CDK5RAP2: variants seen among roughly 807,000 people sequenced by gnomAD.
The protein encoded by CDK5RAP2 is CDK5 regulatory subunit-associated protein 2.
In CDK5RAP2, 147 loss-of-function variants were observed where a neutral mutation model predicts 232.9. The observed-to-expected ratio is 0.63, with a 90% CI of 0.55 to 0.72. The LOEUF (loss-of-function observed/expected upper bound fraction) is 0.72, where lower values mean the gene tolerates loss of function less well. CDK5RAP2 is among the 30% of genes least tolerant of loss of function. The probability of loss-of-function intolerance (pLI) is 0.00; values close to 1 mark genes in which losing one functional copy is unlikely to be tolerated. For missense variants in CDK5RAP2, 2,195 were observed against 2,231.5 expected (o/e 0.98, Z 0.33); for synonymous variants, 833 against 833.7 (o/e 1.00, Z 0.01).
intron 17 of CDK5RAP2, among the ~76,000 whole-genome samples, chr9:120,468,250 C>T (rs2037496505): frequency 6.6e-6 from 1 of 152,200 alleles, no homozygotes; most frequent in Non-Finnish European, 1.5e-5. Flanking sequence ...ACAGTCTAAG[C>T]CCCAGTTTCC....
chr9:120,544,757 A>AC (rs1322875818), intron 5 of CDK5RAP2, among the ~76,000 whole-genome samples: 1 of 152,174 alleles, frequency 6.6e-6, no homozygotes, highest in Non-Finnish European at 1.5e-5. Flanking sequence ...AAAACTTAGC[A>AC]CACTTTGGTG....
Position 120,535,784 on chromosome 9 carries a change from T to C in CDK5RAP2, c.662+588A>G, listed in dbSNP as rs557655011. 5.2e-5 allele frequency among the ~76,000 whole-genome samples: 8 copies of C among 152,388 alleles called. No individual in the cohort carries two copies. In the East Asian group the frequency reaches 1.5e-3, roughly 29 times the overall value. On this transcript the variant is annotated intron_variant, in intron 7 of 37. Coordinates refer to ENST00000349780, the MANE Select transcript of CDK5RAP2 (RefSeq NM_018249.6). The stretch of plus-strand genomic sequence containing the variant: ...AATAAACTAGAAGGCACCCATTTTA[T>C]CGTGGATCATCAAAGAGCTCTGTAT...
intron 23 of CDK5RAP2, among the ~76,000 whole-genome samples, chr9:120,443,367 G>A (rs944387554): frequency 1.3e-5 from 2 of 152,204 alleles, no homozygotes; most frequent in Non-Finnish European, 2.9e-5. Flanking sequence ...CCCACTGCCT[G>A]GTAGAGAAGC....
At chr9:120,524,089 C>A (rs751683211) in intron 11 of CDK5RAP2, among the ~76,000 whole-genome samples, 11 of 151,994 alleles carry the variant, frequency 7.2e-5, no homozygotes, top group South Asian at 2.1e-4. Context: ...GTTTTGGGAA[C>A]CTGTGCAAGC....
At chr9:120,422,633 G>T in intron 26 of CDK5RAP2, 60 bp downstream of exon 26, 1 of 1,260,846 alleles carries the variant, frequency 7.9e-7, no homozygotes, top group African/African-American at 1.5e-5. Context: ...TTAAAAGCTG[G>T]CAGGTAAATC....
rs1285490933 is a variant in CDK5RAP2 at position 120,439,654 on chromosome 9, C to A, written c.3467G>T (p.Gly1156Val). Reference sequence around the variant, plus strand: ...AGAACCATTCTTGGGCTTGCTCAAGCCATCCTGGGCCCCTTCTGTCCCACA... The same window carrying A: ...AGAACCATTCTTGGGCTTGCTCAAGACATCCTGGGCCCCTTCTGTCCCACA... ...VLCGTEGAQD[G>V]LSKPKNGSDG... Residue 1156 changes from glycine to valine, a missense_variant, in exon 24 of 38, where the codon GGC (glycine) becomes GTC (valine). Physicochemically the swap from Gly to Val is moderately radical, Grantham distance 109. Transcript: ENST00000349780. 6.2e-7 allele frequency: 1 copy of A among 1,614,102 alleles called. No homozygotes were observed. The highest frequency in any genetic ancestry group is 8.5e-7 in the Non-Finnish European group (1 of 1,180,056).
At position 120,402,853 on chromosome 9, in the gene CDK5RAP2, G is replaced by C. The variant is rs1423103373; in HGVS notation, c.5260C>G (p.Gln1754Glu). The change falls in exon 34 of 38, where the codon CAA (glutamine) becomes GAA (glutamate). Residue 1754 changes from glutamine to glutamate, a missense_variant. Gln to Glu is a conservative substitution (Grantham distance 29). Coordinates refer to ENST00000349780, the MANE Select transcript of CDK5RAP2 (RefSeq NM_018249.6). ...GQRLLAEMDI[Q>E]TQEAPSSTSQ... is the part of the protein sequence containing the mutation. ...GTGGAGCTGGGAGCCTCTTGGGTTT[G>C]AATGTCCATTTCAGCAAGGAGCCTC... 2.5e-6 allele frequency: 4 copies of C among 1,614,018 alleles called. No individual in the cohort carries two copies. The highest frequency in any genetic ancestry group is 1.6e-4 in the Middle Eastern group (1 of 6,074).
chr9:120,543,651 G>A (rs576197469), intron 5 of CDK5RAP2, among the ~76,000 whole-genome samples: 1 of 152,062 alleles, frequency 6.6e-6, no homozygotes, highest in Non-Finnish European at 1.5e-5. Context: ...ATGAGGCCAG[G>A]GGTTCGAGAC....
chr9:120,425,571 C>A (rs184601554), intron 25 of CDK5RAP2, among the ~76,000 whole-genome samples: 65 of 152,342 alleles, frequency 4.3e-4, no homozygotes, highest in Non-Finnish European at 8.5e-4. Flanking sequence ...TTATGCCAGA[C>A]AAACTTACAA....
rs974768717 is a variant in CDK5RAP2, at chr9:120,394,380, G to A, written c.5578+132C>T. 179 of 1,422,658 alleles carry A rather than the reference G, an allele frequency of 1.3e-4. 2 individuals are homozygous for A. In the East Asian group the frequency reaches 4.0e-3, roughly 32 times the overall value. 88.1% of individuals were successfully genotyped at this position (1,422,658 alleles called of 1,614,324 possible). On this transcript the variant is annotated intron_variant, in intron 36 of 37. Coordinates refer to ENST00000349780, the MANE Select transcript of CDK5RAP2 (RefSeq NM_018249.6). The stretch of plus-strand genomic sequence containing the variant: ...ATGTGAGTCAGAAAGGATGGAGTAT[G>A]AAAAGAAGCCCACAGATAGGAGGCA...
At chr9:120,424,741 C>A (rs543397947) in intron 25 of CDK5RAP2, among the ~76,000 whole-genome samples, 1 of 150,792 alleles carries the variant, frequency 6.6e-6, no homozygotes, top group Non-Finnish European at 1.5e-5. Context: ...GCTCTGTTGC[C>A]CAGGCTGGAG....
chr9:120,556,477 G>A (rs2042233510), intron 3 of CDK5RAP2, among the ~76,000 whole-genome samples: 1 of 150,370 alleles, frequency 6.7e-6, no homozygotes, highest in South Asian at 2.1e-4. Context: ...CACCCAGGCT[G>A]GAGTGCAGTG....
At chr9:120,392,707 GTGCTCTTT>G in intron 36 of CDK5RAP2, among the ~76,000 whole-genome samples, 1 of 152,294 alleles carries the variant, frequency 6.6e-6, no homozygotes, top group Non-Finnish European at 1.5e-5. Context: ...GTTCCCCTCA[GTGCTCTTT>G]TTCTCTACGA....
chr9:120,536,308 A>C, intron 7 of CDK5RAP2, 64 bp downstream of exon 7: 11 of 1,565,592 alleles, frequency 7.0e-6, no homozygotes, highest in Non-Finnish European at 9.7e-6. Context: ...ATAAAAGGAA[A>C]CAATTCTTTC....
intron 2 of CDK5RAP2, among the ~76,000 whole-genome samples, chr9:120,570,882 A>G (rs915213638): frequency 2.7e-5 from 4 of 150,388 alleles, no homozygotes; most frequent in African/African-American, 9.8e-5. Context: ...AAAGTTGCCA[A>G]TGAGTGCAGT....
chr9:120,481,889 G>A (rs1167336536), intron 14 of CDK5RAP2, among the ~76,000 whole-genome samples: 3 of 152,186 alleles, frequency 2.0e-5, no homozygotes, highest in African/African-American at 7.2e-5. Flanking sequence ...GATTAAATGA[G>A]TTAATCCAGA....
chr9:120,472,378 C>G (rs1186613257), intron 15 of CDK5RAP2, among the ~76,000 whole-genome samples: 1 of 152,114 alleles, frequency 6.6e-6, no homozygotes, highest in Non-Finnish European at 1.5e-5. Flanking sequence ...CTGTTCTGAA[C>G]AATGCCCCAA....
At chr9:120,490,196 G>A (rs1279887309) in intron 13 of CDK5RAP2, among the ~76,000 whole-genome samples, 1 of 152,216 alleles carries the variant, frequency 6.6e-6, no homozygotes, top group African/African-American at 2.4e-5. Context: ...AGCTCTGAGA[G>A]TGTGGAAAGG....
chr9:120,440,051 A>G, intron 23 of CDK5RAP2, 79 bp from the exon 24 acceptor site: 1 of 1,268,508 alleles, frequency 7.9e-7, no homozygotes, highest in Non-Finnish European at 1.1e-6. Context: ...GCCCTAGCCA[A>G]GCCAAGACCA....
Sources: allele counts gnomAD v4.1 joint callset (sites outside exome capture counted in the v4.1 genomes callset), GRCh38; gene constraint gnomAD v4.1.1; transcripts MANE v1.5; gene names NCBI Gene and HGNC (gene_info 2026-07-23, HGNC 2026-07-21).